The following ROCK2 variants were observed in gnomAD, a reference collection of about 807,000 sequenced individuals.
ROCK2 encodes Rho associated coiled-coil containing protein kinase 2, also known as rho-associated protein kinase 2.
ROCK2 carries 61 observed loss-of-function variants against 195.1 expected under a neutral mutation model. The observed-to-expected ratio is 0.31, with a 90% CI of 0.25 to 0.39. The LOEUF is 0.39. ROCK2 is among the 10% of genes least tolerant of loss of function. ROCK2 has a pLI of 1.00. For missense variants in ROCK2, 1,109 were observed against 1,637.4 expected, an observed-to-expected ratio of 0.68 and a Z score of 5.57; for synonymous variants, 504 against 545.5, an observed-to-expected ratio of 0.92 and a Z score of 1.06.
intron 5 of ROCK2, among the ~76,000 whole-genome samples, chr2:11,230,821 T>C (rs1332540126): frequency 1.3e-5 from 2 of 152,132 alleles, no homozygotes. Context: ...TTGGAGTTGG[T>C]CTAAAAACAA....
intron 1 of ROCK2, among the ~76,000 whole-genome samples, chr2:11,301,136 AAAGT>A (rs1460600084): frequency 6.6e-6 from 1 of 152,212 alleles, no homozygotes; most frequent in Non-Finnish European, 1.5e-5. Context: ...TACCATTAAT[AAAGT>A]AATATTTATA....
At chr2:11,329,619 A>G (rs888985126) in intron 1 of ROCK2, among the ~76,000 whole-genome samples, 2 of 151,974 alleles carry the variant, frequency 1.3e-5, no homozygotes, top group African/African-American at 4.8e-5. Flanking sequence ...CTGTTCTCCT[A>G]TTATGGAAAT....
chr2:11,205,032 G>A (rs1414103727), intron 20 of ROCK2, among the ~76,000 whole-genome samples: 2 of 152,168 alleles, frequency 1.3e-5, no homozygotes, highest in African/African-American at 2.4e-5. Context: ...TCACTGGCAA[G>A]CTTCAGTTTA....
intron 6 of ROCK2, among the ~76,000 whole-genome samples, chr2:11,226,336 T>C (rs959283091): frequency 3.4e-4 from 52 of 152,118 alleles, no homozygotes; most frequent in African/African-American, 1.2e-3. Flanking sequence ...GATTTGGTCA[T>C]AAAAAAGAAG....
rs1319058261 is a variant in ROCK2, at chr2:11,317,589, TATATATATATATATATATATATA to T, written c.141+26384_141+26406del. On this transcript the variant is annotated intron_variant, in intron 1 of 32. Transcript: ENST00000315872. The stretch of plus-strand genomic sequence containing the variant: ...TGATCTACACATTTATATATATATA[TATATATATATATATATATATATA>T]TTTTTTTTTTTTTTTAATTATACTT... 1.4e-3 allele frequency among the ~76,000 whole-genome samples: 18 copies of T among 13,302 alleles called. 1 individual carries two copies. Among genetic ancestry groups the T allele is most frequent in the African/African-American group, 3.4e-3 (14 of 4,114 alleles). The allele number at this position is 13,302 out of a possible 152,430, so 8.7% of individuals were successfully genotyped here. A position where few individuals can be genotyped will look rare whatever the true frequency, so the allele number is the denominator to read the frequency against.
intron 3 of ROCK2, among the ~76,000 whole-genome samples, chr2:11,252,298 G>GT (rs1665858264): frequency 6.6e-6 from 1 of 151,614 alleles, no homozygotes; most frequent in South Asian, 2.1e-4. Flanking sequence ...GTAATCCCAG[G>GT]TACCTGGGAG....
At chr2:11,209,387 G>C (rs956837442) in intron 18 of ROCK2, among the ~76,000 whole-genome samples, 9 of 152,136 alleles carry the variant, frequency 5.9e-5, no homozygotes, top group Non-Finnish European at 1.3e-4. Context: ...ATGCTGCCTG[G>C]CATATGGCAA....
At chr2:11,260,433 G>A (rs1405816989) in intron 3 of ROCK2, among the ~76,000 whole-genome samples, 4 of 136,926 alleles carry the variant, frequency 2.9e-5, no homozygotes, top group Admixed American at 1.6e-4. Context: ...GGGTGACAGA[G>A]CGAGACTCTG....
At chr2:11,219,779 T>C (rs1418942268) in intron 9 of ROCK2, among the ~76,000 whole-genome samples, 1 of 151,902 alleles carries the variant, frequency 6.6e-6, no homozygotes, top group East Asian at 1.9e-4. Context: ...CAGCTTTCAG[T>C]GGCTTCCCAA....
chr2:11,214,586 C>T (rs1489552441), intron 16 of ROCK2, 123 bp from the exon 17 acceptor site: 3 of 683,320 alleles, frequency 4.4e-6, no homozygotes, highest in African/African-American at 3.6e-5. Context: ...AAGTTTTATA[C>T]TTGTTGGTAT....
At chr2:11,253,380 T>G (rs771453719) in intron 3 of ROCK2, among the ~76,000 whole-genome samples, 1 of 152,208 alleles carries the variant, frequency 6.6e-6, no homozygotes, top group African/African-American at 2.4e-5. Context: ...AAACCCATCA[T>G]AGTACCTAAT....
chr2:11,189,753 G>T (rs546824823), intron 32 of ROCK2, among the ~76,000 whole-genome samples: 1 of 152,150 alleles, frequency 6.6e-6, no homozygotes, highest in South Asian at 2.1e-4. Flanking sequence ...AGGCCGAGGT[G>T]GGAGGATTGC....
At position 11,201,919 on chromosome 2, in the gene ROCK2, GATA is replaced by G. The variant is rs1663866257; in HGVS notation, c.2619+130_2619+132del. On this transcript the variant is annotated intron_variant, in intron 21 of 32. Coordinates refer to ENST00000315872, the MANE Select transcript of ROCK2 (RefSeq NM_004850.5). This position sits in a 1 kb window ranked among gnomAD's most constrained non-coding sequence, Gnocchi z 4.6. The stretch of plus-strand genomic sequence containing the variant: ...TGCTTAGAATTATTTTTCTAGCAAT[GATA>G]ATAAATTTCTCTTAAACTATCTACA... 1 of 645,460 alleles carries G rather than the reference GATA, an allele frequency of 1.5e-6. No homozygotes were observed. Among genetic ancestry groups the G allele is most frequent in the Non-Finnish European group, 2.8e-6 (1 of 363,180 alleles). 40.0% of individuals were successfully genotyped at this position (645,460 alleles called of 1,614,324 possible). A position where few individuals can be genotyped will look rare whatever the true frequency, so the allele number is the denominator to read the frequency against.
chr2:11,188,684 CG>C (rs1663298366), intron 32 of ROCK2, among the ~76,000 whole-genome samples: 1 of 149,330 alleles, frequency 6.7e-6, no homozygotes, highest in Non-Finnish European at 1.5e-5. Context: ...AGTGCAGTGG[CG>C]TGATCTCGGC....
At chr2:11,262,972 T>C (rs968573269) in intron 3 of ROCK2, among the ~76,000 whole-genome samples, 1 of 152,074 alleles carries the variant, frequency 6.6e-6, no homozygotes, top group Non-Finnish European at 1.5e-5. Flanking sequence ...CTACCATAGA[T>C]ACACAAAAAA....
At chr2:11,199,642 T>C (rs879617828) in intron 23 of ROCK2, among the ~76,000 whole-genome samples, 5 of 152,168 alleles carry the variant, frequency 3.3e-5, no homozygotes, top group Non-Finnish European at 5.9e-5. Flanking sequence ...CGATTTTCTA[T>C]CTTACTGAAT....
chr2:11,231,289 C>T (rs1428004140), intron 5 of ROCK2, among the ~76,000 whole-genome samples: 1 of 151,838 alleles, frequency 6.6e-6, no homozygotes, highest in Non-Finnish European at 1.5e-5. Flanking sequence ...CTGTAACCTC[C>T]GCCTCCTGGG....
intron 1 of ROCK2, among the ~76,000 whole-genome samples, chr2:11,320,436 T>TA (rs1332223276): frequency 1.3e-5 from 2 of 152,166 alleles, no homozygotes; most frequent in East Asian, 3.9e-4. Flanking sequence ...CTTTAACACT[T>TA]AAATGTAAGG....
At chr2:11,283,537 C>A (rs1233383049) in intron 3 of ROCK2, among the ~76,000 whole-genome samples, 2 of 127,070 alleles carry the variant, frequency 1.6e-5, no homozygotes, top group African/African-American at 5.8e-5. Context: ...GTCCGCAGTC[C>A]GGCCTGGGCG....
Sources: allele counts gnomAD v4.1 joint callset (sites outside exome capture counted in the v4.1 genomes callset), GRCh38; gene constraint gnomAD v4.1.1; non-coding constraint Gnocchi (gnomAD v3.1); transcripts MANE v1.5; gene names NCBI Gene and HGNC (gene_info 2026-07-23, HGNC 2026-07-21).